The following NUP155 variants were observed in gnomAD, a reference collection of about 807,000 sequenced individuals.
NUP155 encodes the protein nuclear pore complex protein Nup155.
Under a neutral mutation model 180.4 loss-of-function variants are expected in NUP155, and 71 were observed. The observed-to-expected ratio is 0.39, with a 90% CI of 0.33 to 0.48. The LOEUF is 0.48. Among genes scored for constraint, NUP155 ranks in the 20% least tolerant of loss-of-function variants. The pLI, the probability that NUP155 is intolerant of heterozygous loss-of-function variation, is 0.91. For missense variants in NUP155, 1,553 were observed against 1,648.9 expected (o/e 0.94, Z 1.01); for synonymous variants, 582 against 559.5 (o/e 1.04, Z -0.57).
At chr5:37,361,881 G>A (rs566976412) in intron 3 of NUP155, among the ~76,000 whole-genome samples, 25 of 152,210 alleles carry the variant, frequency 1.6e-4, no homozygotes, top group African/African-American at 5.8e-4. Context: ...TGTAGGTGGG[G>A]TCTTTGAAAG....
At chr5:37,296,713 A>G (rs561770633) in intron 32 of NUP155, among the ~76,000 whole-genome samples, 3 of 151,968 alleles carry the variant, frequency 2.0e-5, no homozygotes, top group Non-Finnish European at 2.9e-5. Context: ...ATAAATAAAT[A>G]AATAGGTTTC....
At position 37,329,276 on chromosome 5, in the gene NUP155, T is replaced by C. The variant is rs748082598; in HGVS notation, c.1727A>G (p.Tyr576Cys). The part of the protein sequence containing the change: ...SAWATRAFFR[Y>C]GGEAQMRFPT... ...AAATCTCATCTGTGCTTCACCACCA[T>C]ACCTATTTTTATGACAAGAGGTTGA... is the stretch of plus-strand genomic sequence containing the variant. Residue 576 changes from tyrosine to cysteine, a missense_variant and splice_region_variant, in exon 16 of 35, where the codon TAT (tyrosine) becomes TGT (cysteine). Coordinates refer to ENST00000231498, the MANE Select transcript of NUP155 (RefSeq NM_153485.3). 3.7e-6 allele frequency: 6 copies of C among 1,612,362 alleles called. No homozygotes were observed. Among genetic ancestry groups the C allele is most frequent in the Non-Finnish European group, 8.5e-7 (1 of 1,178,422 alleles).
intron 4 of NUP155, among the ~76,000 whole-genome samples, chr5:37,355,341 C>T (rs561121437): frequency 3.3e-4 from 50 of 151,664 alleles, no homozygotes; most frequent in Admixed American, 5.9e-4. Context: ...AAACCACATG[C>T]TACTAAAAAT....
chr5:37,341,676 G>A (rs1745732647), intron 10 of NUP155, among the ~76,000 whole-genome samples: 1 of 152,082 alleles, frequency 6.6e-6, no homozygotes, highest in Non-Finnish European at 1.5e-5. Context: ...GAGTAGCTGG[G>A]ACTACAGGTG....
intron 21 of NUP155, among the ~76,000 whole-genome samples, chr5:37,314,951 G>A (rs1393322927): frequency 1.3e-5 from 2 of 152,126 alleles, no homozygotes; most frequent in African/African-American, 2.4e-5. Flanking sequence ...AGTTCTACTG[G>A]CCAGGCGTGG....
intron 5 of NUP155, among the ~76,000 whole-genome samples, chr5:37,352,268 G>A (rs1243930908): frequency 6.6e-6 from 1 of 152,170 alleles, no homozygotes; most frequent in Non-Finnish European, 1.5e-5. Flanking sequence ...TGAGGCAGGA[G>A]AATCGCTTGA....
chr5:37,310,806 T>G, intron 22 of NUP155, 63 bp from the exon 23 acceptor site: 3 of 1,274,244 alleles, frequency 2.4e-6, no homozygotes, highest in East Asian at 2.5e-5. Flanking sequence ...CATAATGAAA[T>G]TATTTTAATA....
At chr5:37,368,356 G>A (rs943619291) in intron 1 of NUP155, among the ~76,000 whole-genome samples, 2 of 151,294 alleles carry the variant, frequency 1.3e-5, no homozygotes, top group African/African-American at 4.9e-5. Flanking sequence ...AGTAGCTGGG[G>A]GTCCAAGTGT....
Position 37,301,521 on chromosome 5 carries a change from C to G in NUP155, c.3477G>C (p.Glu1159Asp). ...EVARIQLQIQ[E>D]TLQRQYSHHS... is the part of the protein sequence containing the mutation. ...GATGGGAATACTGCCTTTGTAGTGT[C>G]TCCTGTATCTGAAGTTGGATCCTAG... Residue 1159 changes from glutamate (E) to aspartate (D), a missense_variant, in exon 30 of 35, where the codon GAG (glutamate) becomes GAC (aspartate). Transcript: ENST00000231498. The G allele has an allele frequency of 6.2e-7, 1 of 1,613,258 alleles. No individual in the cohort carries two copies. Among genetic ancestry groups the G allele is most frequent in the East Asian group, 2.2e-5 (1 of 44,858 alleles).
In NUP155 at chr5:37,308,772, C is replaced by T. The variant is rs556616484; in HGVS notation, c.2767+357G>A. Among the ~76,000 whole-genome samples, 12 of 147,204 alleles carry T rather than the reference C, an allele frequency of 8.2e-5. No individual in the cohort carries two copies. In the South Asian group the frequency reaches 1.7e-3, roughly 21 times the overall value. ...GCGTGCGCCTGTAATACCAGCTACCCGGGAGGCTGAGGCAGGAGAATTGCT... is the reference window on the plus strand; with the variant it reads ...GCGTGCGCCTGTAATACCAGCTACCTGGGAGGCTGAGGCAGGAGAATTGCT... On this transcript the variant is annotated intron_variant, in intron 24 of 34. Transcript: ENST00000231498.
intron 3 of NUP155, among the ~76,000 whole-genome samples, chr5:37,359,677 G>A (rs1390919064): frequency 1.3e-5 from 2 of 151,802 alleles, no homozygotes; most frequent in Non-Finnish European, 2.9e-5. Context: ...CATGATTTCT[G>A]GCTTTCAATA....
chr5:37,367,853 G>A (rs1156721290), intron 1 of NUP155, among the ~76,000 whole-genome samples: 1 of 151,722 alleles, frequency 6.6e-6, no homozygotes, highest in South Asian at 2.1e-4. Flanking sequence ...GCGCGATCTC[G>A]GCTCACTGCA....
At chr5:37,324,759 C>A (rs1378665550) in intron 19 of NUP155, among the ~76,000 whole-genome samples, 1 of 152,148 alleles carries the variant, frequency 6.6e-6, no homozygotes, top group Non-Finnish European at 1.5e-5. Context: ...GGCCGCGTTG[C>A]CCTGGCTGGT....
In NUP155 at chr5:37,303,001, A is replaced by G. The variant is rs1251257699; in HGVS notation, c.3318-93T>C. 5 of 1,359,218 alleles carry G rather than the reference A, an allele frequency of 3.7e-6. 1 individual carries two copies. The African/African-American group carries it at 5.8e-5, about 16-fold the overall frequency. The allele number at this position is 1,359,218 out of a possible 1,614,324, so 84.2% of individuals were successfully genotyped here. A position where few individuals can be genotyped will look rare whatever the true frequency, so the allele number is the denominator to read the frequency against. ...TAGTATGTACTGTTTCATACCAAAC[A>G]CACATAAAAAGCCATCTGAAACTTG... On this transcript the variant is annotated intron_variant, in intron 28 of 34. Coordinates refer to ENST00000231498, the MANE Select transcript of NUP155 (RefSeq NM_153485.3).
At chr5:37,365,676 C>T (rs1747512351) in intron 1 of NUP155, among the ~76,000 whole-genome samples, 1 of 129,808 alleles carries the variant, frequency 7.7e-6, no homozygotes, top group South Asian at 2.6e-4. Context: ...CCACTGCACT[C>T]CAGCCAGGGT....
chr5:37,350,635 C>T (rs1746394032), intron 6 of NUP155, among the ~76,000 whole-genome samples: 1 of 151,876 alleles, frequency 6.6e-6, no homozygotes, highest in Non-Finnish European at 1.5e-5. Flanking sequence ...GAAACTCTGC[C>T]TCTAATAAAA....
At chr5:37,302,249 T>C (rs1285847295) in intron 29 of NUP155, among the ~76,000 whole-genome samples, 1 of 152,242 alleles carries the variant, frequency 6.6e-6, no homozygotes, top group Admixed American at 6.5e-5. Context: ...TTATTATTTT[T>C]TGAGACAGAG....
intron 4 of NUP155, among the ~76,000 whole-genome samples, chr5:37,356,627 G>A (rs1441532734): frequency 2.0e-5 from 3 of 152,016 alleles, no homozygotes; most frequent in African/African-American, 7.2e-5. Context: ...GCAACAGAGT[G>A]AGACTCTGTA....
At chr5:37,310,846 CTA>C in intron 22 of NUP155, 103 bp from the exon 23 acceptor site, 1 of 969,482 alleles carries the variant, frequency 1.0e-6, no homozygotes, top group Non-Finnish European at 1.5e-6. Context: ...TTAATAGACT[CTA>C]TAATTGAAAA....
Sources: gnomAD v4.1 joint callset for allele counts (sites outside exome capture counted in the v4.1 genomes callset) on GRCh38, gnomAD v4.1.1 for gene constraint, MANE v1.5 for transcripts, NCBI Gene and HGNC (gene_info 2026-07-23, HGNC 2026-07-21) for gene names.